The following TAF3 variants were observed in gnomAD, a reference collection of about 807,000 sequenced individuals.
TAF3 encodes TATA-box binding protein associated factor 3, also known as transcription initiation factor TFIID subunit 3.
TAF3 carries 7 observed loss-of-function variants against 80.6 expected under a neutral mutation model. That is an observed-to-expected ratio of 0.09 (90% CI 0.05 to 0.16). The LOEUF is 0.16. Among genes scored for constraint, TAF3 ranks in the 10% least tolerant of loss-of-function variants. The pLI, the probability that TAF3 is intolerant of heterozygous loss-of-function variation, is 1.00. For missense variants in TAF3, 921 were observed against 1,140.2 expected (o/e 0.81, Z 2.77); for synonymous variants, 444 against 446.1 (o/e 1.00, Z 0.06).
At chr10:7,917,412 G>A (rs2131185366) in intron 2 of TAF3, among the ~76,000 whole-genome samples, 1 of 152,342 alleles carries the variant, frequency 6.6e-6, no homozygotes, top group Non-Finnish European at 1.5e-5. Context: ...ATGAGAGGGA[G>A]TGAGCTTTGT....
At chr10:7,995,603 A>G (rs935481731) in intron 4 of TAF3, among the ~76,000 whole-genome samples, 1 of 152,208 alleles carries the variant, frequency 6.6e-6, no homozygotes, top group Non-Finnish European at 1.5e-5. Flanking sequence ...CTCCCTTGGA[A>G]ATGGAGATTC....
Position 7,956,357 on chromosome 10 carries a change from C to T in TAF3, c.410-7563C>T, listed in dbSNP as rs181108902. Among the ~76,000 whole-genome samples, 661 of 152,072 alleles carry T rather than the reference C, an allele frequency of 4.3e-3. 4 individuals carry two copies. Among genetic ancestry groups the T allele is most frequent in the Middle Eastern group, 0.01 (3 of 294 alleles). Reference sequence around the variant, plus strand: ...AAAAAGTTAGCCAGACATAGTGGCACGTGCCTATAATCCCAGCTACTCGGG... The same window carrying T: ...AAAAAGTTAGCCAGACATAGTGGCATGTGCCTATAATCCCAGCTACTCGGG... On this transcript the variant is annotated intron_variant, in intron 2 of 6. Coordinates refer to ENST00000344293, the MANE Select transcript of TAF3 (RefSeq NM_031923.4).
rs368564600 is a variant in TAF3 at position 7,832,915 on chromosome 10, A to G, written c.409+8355A>G. Among the ~76,000 whole-genome samples, 10 of 152,164 alleles carry G rather than the reference A, an allele frequency of 6.6e-5. No homozygotes were observed. The East Asian group carries it at 1.5e-3, about 23-fold the overall frequency. Reference sequence around the variant, plus strand: ...TACTCTTTTAGTTATTTTTAAATGTACAGGGTGCAGTAGCTCACACTTGTA... The same window carrying G: ...TACTCTTTTAGTTATTTTTAAATGTGCAGGGTGCAGTAGCTCACACTTGTA... On this transcript the variant is annotated intron_variant, in intron 2 of 6. Transcript: ENST00000344293.
chr10:7,896,548 C>G (rs1837506321), intron 2 of TAF3, among the ~76,000 whole-genome samples: 1 of 152,240 alleles, frequency 6.6e-6, no homozygotes, highest in South Asian at 2.1e-4. Flanking sequence ...ATGCCACATT[C>G]TGTAACCTCT....
chr10:7,948,754 A>G (rs1325311228), intron 2 of TAF3, among the ~76,000 whole-genome samples: 4 of 152,198 alleles, frequency 2.6e-5, no homozygotes, highest in African/African-American at 9.7e-5. Flanking sequence ...TTCCCTATCA[A>G]ATTTATCACT....
chr10:7,849,456 G>GGTT (rs147512074), intron 2 of TAF3, among the ~76,000 whole-genome samples: 3,117 of 152,132 alleles, frequency 0.02, 211 homozygotes, highest in East Asian at 0.17. Context: ...GACGATTTAG[G>GGTT]GTTATTGCAT....
chr10:7,928,351 C>T (rs1045717583), intron 2 of TAF3, among the ~76,000 whole-genome samples: 3 of 152,082 alleles, frequency 2.0e-5, no homozygotes, highest in Non-Finnish European at 2.9e-5. Context: ...TACACTATAG[C>T]GGAATTACCT....
intron 2 of TAF3, among the ~76,000 whole-genome samples, chr10:7,881,845 A>T (rs1274701707): frequency 6.6e-6 from 1 of 152,188 alleles, no homozygotes; most frequent in Non-Finnish European, 1.5e-5. Context: ...TGCCCTAGTT[A>T]ACGCATTAAA....
chr10:7,893,860 T>C (rs1389543749), intron 2 of TAF3, among the ~76,000 whole-genome samples: 3 of 152,068 alleles, frequency 2.0e-5, no homozygotes, highest in Non-Finnish European at 2.9e-5. Flanking sequence ...CCTCCTTTAA[T>C]ATTTCTATAT....
At chr10:7,926,199 G>A (rs114465128) in intron 2 of TAF3, among the ~76,000 whole-genome samples, 44 of 152,166 alleles carry the variant, frequency 2.9e-4, no homozygotes, top group African/African-American at 9.4e-4. Flanking sequence ...CTAAATAATC[G>A]TATGATATTT....
In TAF3 at chr10:7,820,064, C is replaced by T. The variant is rs115483394; in HGVS notation, c.166+1189C>T. ...TTTGCCAGCCTGCCATGCTAATCTG[C>T]GACCACGCTGAGCTACCTGCCTTTT... On this transcript the variant is annotated intron_variant, in intron 1 of 6. Coordinates refer to ENST00000344293, the MANE Select transcript of TAF3 (RefSeq NM_031923.4). Among the ~76,000 whole-genome samples the T allele has an allele frequency of 8.5e-3, 1,289 of 152,294 alleles. 19 individuals carry two copies. Among genetic ancestry groups the T allele is most frequent in the African/African-American group, 0.029 (1,215 of 41,546 alleles).
At chr10:7,923,032 A>G (rs1837779585) in intron 2 of TAF3, among the ~76,000 whole-genome samples, 1 of 152,086 alleles carries the variant, frequency 6.6e-6, no homozygotes, top group Non-Finnish European at 1.5e-5. Context: ...CAAACAGTTA[A>G]TTATCTCATG....
In TAF3 at chr10:7,933,159, C is replaced by T. The variant is rs921431579; in HGVS notation, c.410-30761C>T. Among the ~76,000 whole-genome samples the T allele has an allele frequency of 5.3e-5, 8 of 152,034 alleles. No homozygotes were observed. The South Asian group carries it at 8.3e-4, about 16-fold the overall frequency. On this transcript the variant is annotated intron_variant, in intron 2 of 6. Coordinates refer to ENST00000344293, the MANE Select transcript of TAF3 (RefSeq NM_031923.4). ...GGTATTATATTCTCTTCAAGATTAC[C>T]TTTATATTTCATGTTATTGAAACAG...
intron 2 of TAF3, among the ~76,000 whole-genome samples, chr10:7,911,776 A>G (rs1310612357): frequency 6.6e-6 from 1 of 152,218 alleles, no homozygotes; most frequent in Non-Finnish European, 1.5e-5. Flanking sequence ...TTCTTTAGAA[A>G]TTTGAAGATT....
chr10:7,845,161 T>G (rs1405498088), intron 2 of TAF3, among the ~76,000 whole-genome samples: 1 of 152,202 alleles, frequency 6.6e-6, no homozygotes, highest in African/African-American at 2.4e-5. Context: ...AGTGTATTGT[T>G]TTTTTACTAG....
intron 2 of TAF3, among the ~76,000 whole-genome samples, chr10:7,932,400 G>A (rs1004666007): frequency 6.6e-6 from 1 of 152,176 alleles, no homozygotes; most frequent in African/African-American, 2.4e-5. Context: ...ACACATGCCG[G>A]AAGTACTGAT....
intron 5 of TAF3, 29 bp from the exon 6 acceptor site, chr10:8,013,702 T>A (rs1832076907): frequency 6.3e-7 from 1 of 1,599,012 alleles, no homozygotes; most frequent in Non-Finnish European, 8.6e-7. Context: ...TTCCCTCCAT[T>A]TTTGCCGCTT....
chr10:7,930,165 C>A (rs1441730125), intron 2 of TAF3, among the ~76,000 whole-genome samples: 2 of 152,150 alleles, frequency 1.3e-5, no homozygotes, highest in Non-Finnish European at 2.9e-5. Context: ...TGGTACTGCG[C>A]TCCAACCTGG....
chr10:7,850,438 G>A (rs1837015667), intron 2 of TAF3, among the ~76,000 whole-genome samples: 1 of 152,288 alleles, frequency 6.6e-6, no homozygotes, highest in East Asian at 1.9e-4. Context: ...CACTTTGGGA[G>A]GCTGAGGTGG....
Sources: allele counts gnomAD v4.1 joint callset (sites outside exome capture counted in the v4.1 genomes callset), GRCh38; gene constraint gnomAD v4.1.1; transcripts MANE v1.5; gene names NCBI Gene and HGNC (gene_info 2026-07-23, HGNC 2026-07-21).